Variants in AUTS2 observed in about 807,000 individuals in gnomAD.
The protein encoded by AUTS2 is activator of transcription and developmental regulator AUTS2.
In AUTS2, 17 loss-of-function variants were observed where a neutral mutation model predicts 112.4. That is an observed-to-expected ratio of 0.15 (90% CI 0.10 to 0.23). The LOEUF is 0.23. AUTS2 is among the 10% of genes least tolerant of loss of function. The probability of loss-of-function intolerance (pLI) is 1.00; values close to 1 mark genes in which losing one functional copy is unlikely to be tolerated. For missense variants in AUTS2, 1,510 were observed against 1,701.6 expected (o/e 0.89, Z 1.98); for synonymous variants, 751 against 702.7 (o/e 1.07, Z -1.09).
At chr7:69,973,963 T>G (rs1797957969) in intron 2 of AUTS2, among the ~76,000 whole-genome samples, 1 of 152,158 alleles carries the variant, frequency 6.6e-6, no homozygotes, top group Non-Finnish European at 1.5e-5. Context: ...GTTCACTCCT[T>G]ATTTGTTTGC....
chr7:69,673,190 A>G (rs1215215974), intron 1 of AUTS2, among the ~76,000 whole-genome samples: 2 of 152,042 alleles, frequency 1.3e-5, no homozygotes, highest in East Asian at 3.8e-4. Flanking sequence ...AGATATGGGG[A>G]TTGTATTCTG....
At chr7:69,715,045 C>A (rs1798535633) in intron 1 of AUTS2, among the ~76,000 whole-genome samples, 1 of 151,734 alleles carries the variant, frequency 6.6e-6, no homozygotes, top group African/African-American at 2.4e-5. Context: ...CTGCAGTATC[C>A]TCAGTTGTGC....
chr7:70,487,002 G>C (rs934135833), intron 5 of AUTS2, among the ~76,000 whole-genome samples: 1 of 151,878 alleles, frequency 6.6e-6, no homozygotes, highest in Non-Finnish European at 1.5e-5. Context: ...AGGCATGGTG[G>C]TAAACTGGTG....
chr7:70,604,428 G>A lies in AUTS2; in HGVS notation c.691-94141G>A, dbSNP rs1055112959. On this transcript the variant is annotated intron_variant, in intron 5 of 18. Coordinates refer to ENST00000342771, the MANE Select transcript of AUTS2 (RefSeq NM_015570.4). ...TAAGGCAGAAGTTCACCCTTGCTCT[G>A]CAGCAACCATCACAGAGAGTTGCAC... Among the ~76,000 whole-genome samples the A allele has an allele frequency of 5.9e-5, 9 of 152,316 alleles. No homozygotes were observed. The East Asian group carries it at 7.7e-4, about 13-fold the overall frequency.
At chr7:70,322,581 T>G (rs532014076) in intron 4 of AUTS2, among the ~76,000 whole-genome samples, 3 of 152,314 alleles carry the variant, frequency 2.0e-5, no homozygotes, top group Admixed American at 1.3e-4. Flanking sequence ...GTCAAATGTG[T>G]TGTTGTTTCA....
At chr7:69,748,871 A>G (rs555166193) in intron 1 of AUTS2, among the ~76,000 whole-genome samples, 3 of 152,282 alleles carry the variant, frequency 2.0e-5, no homozygotes, top group African/African-American at 4.8e-5. Flanking sequence ...CAATAAAACA[A>G]TTTGCTTAGG....
At chr7:69,710,648 G>T (rs2129200871) in intron 1 of AUTS2, among the ~76,000 whole-genome samples, 1 of 152,316 alleles carries the variant, frequency 6.6e-6, no homozygotes, top group South Asian at 2.1e-4. Context: ...CTTCTAAGTT[G>T]CAGTCTCTTA....
intron 1 of AUTS2, among the ~76,000 whole-genome samples, chr7:69,814,329 G>A (rs551963365): frequency 2.0e-5 from 3 of 152,336 alleles, no homozygotes; most frequent in Admixed American, 6.5e-5. Flanking sequence ...TTTCTGATCA[G>A]GCAGTTTGGA....
chr7:69,872,634 C>T (rs1379866646), intron 1 of AUTS2, among the ~76,000 whole-genome samples: 1 of 151,776 alleles, frequency 6.6e-6, no homozygotes, highest in African/African-American at 2.4e-5. Context: ...GAAAGTAGGC[C>T]TCCCTTTTTT....
intron 5 of AUTS2, among the ~76,000 whole-genome samples, chr7:70,456,989 T>A (rs1257763215): frequency 1.3e-5 from 2 of 152,192 alleles, no homozygotes; most frequent in African/African-American, 4.8e-5. Flanking sequence ...CATCTTCATC[T>A]CCACCCCCAA....
intron 5 of AUTS2, among the ~76,000 whole-genome samples, chr7:70,444,378 G>A (rs1482541164): frequency 6.9e-6 from 1 of 144,104 alleles, no homozygotes; most frequent in Non-Finnish European, 1.6e-5. Flanking sequence ...GTGTGTGAGA[G>A]AGAGAGAGAG....
intron 4 of AUTS2, among the ~76,000 whole-genome samples, chr7:70,228,500 GCTT>G (rs1383465751): frequency 1.3e-5 from 2 of 150,344 alleles, no homozygotes; most frequent in Non-Finnish European, 3.0e-5. Flanking sequence ...TTCCTTTACT[GCTT>G]CTTTTGTAAC....
At chr7:70,382,125 G>GT (rs1352414666) in intron 4 of AUTS2, among the ~76,000 whole-genome samples, 3 of 152,112 alleles carry the variant, frequency 2.0e-5, no homozygotes, top group African/African-American at 7.2e-5. Flanking sequence ...CAAGCTCAAC[G>GT]TGTCTGTAAT....
intron 5 of AUTS2, among the ~76,000 whole-genome samples, chr7:70,571,633 G>A (rs1801945344): frequency 6.6e-6 from 1 of 152,202 alleles, no homozygotes; most frequent in Admixed American, 6.5e-5. Context: ...CCTGCTCAGG[G>A]AATCAGTGTG....
intron 4 of AUTS2, among the ~76,000 whole-genome samples, chr7:70,311,347 A>G (rs887213928): frequency 9.2e-5 from 14 of 152,216 alleles, no homozygotes; most frequent in Admixed American, 7.9e-4. Context: ...TATTAACCCA[A>G]TAATAATGTC....
At chr7:69,934,001 G>A (rs756927573) in intron 2 of AUTS2, among the ~76,000 whole-genome samples, 3 of 152,152 alleles carry the variant, frequency 2.0e-5, no homozygotes, top group South Asian at 2.1e-4. Context: ...TACTGTTCTC[G>A]AATTTTTATG....
intron 5 of AUTS2, among the ~76,000 whole-genome samples, chr7:70,641,147 T>C (rs1197509742): frequency 3.9e-5 from 6 of 152,186 alleles, no homozygotes; most frequent in Admixed American, 3.9e-4. Context: ...TTCAAGCTGT[T>C]CCTCTGGCTC....
intron 5 of AUTS2, among the ~76,000 whole-genome samples, chr7:70,693,503 AACCGAGC>A: frequency 6.6e-6 from 1 of 152,310 alleles, no homozygotes; most frequent in Admixed American, 6.5e-5. Flanking sequence ...TTATTCATCA[AACCGAGC>A]ACACTGCGGT....
intron 4 of AUTS2, among the ~76,000 whole-genome samples, chr7:70,315,743 G>A (rs1350672985): frequency 6.6e-6 from 1 of 151,980 alleles, no homozygotes; most frequent in South Asian, 2.1e-4. Context: ...CCTCATATCC[G>A]GTCGACAATC....
Sources: gnomAD v4.1 joint callset for allele counts (sites outside exome capture counted in the v4.1 genomes callset) on GRCh38, gnomAD v4.1.1 for gene constraint, MANE v1.5 for transcripts, NCBI Gene and HGNC (gene_info 2026-07-23, HGNC 2026-07-21) for gene names.